Variants in CHRM5 observed in about 807,000 individuals in gnomAD.
The protein encoded by CHRM5 is muscarinic acetylcholine receptor M5.
In CHRM5, 18 loss-of-function variants were observed where a neutral mutation model predicts 39.0. The observed-to-expected ratio is 0.46, with a 90% confidence interval of 0.32 to 0.68. The LOEUF (loss-of-function observed/expected upper bound fraction) is 0.68, where lower values mean the gene tolerates loss of function less well. Among genes scored for constraint, CHRM5 ranks in the 30% least tolerant of loss-of-function variants. CHRM5 has a pLI of 0.04. For synonymous variants in CHRM5, 241 were observed against 246.3 expected, an observed-to-expected ratio of 0.98 and a Z score of 0.20; for missense variants, 515 against 651.1, an observed-to-expected ratio of 0.79 and a Z score of 2.28.
chr15:34,003,150 A>G (rs1218592962), intron 1 of CHRM5: 1 of 1,613,870 alleles, frequency 6.2e-7, no homozygotes, highest in East Asian at 2.2e-5. Context: ...TTCTTTTAGA[A>G]TAATTTCCCT....
rs568303665 is a variant in CHRM5, at chr15:34,058,935, C to T, written c.-75-3708C>T. On this transcript the variant is annotated intron_variant, in intron 2 of 2. Transcript: ENST00000383263. ...CTTTTGAAACAGAGTCTCACTCTGT[C>T]GCCCAGGCTGGAATGCAGTGGCAAG... Among the ~76,000 whole-genome samples the T allele has an allele frequency of 4.6e-5, 7 of 152,252 alleles. No homozygotes were observed. The South Asian group carries it at 1.0e-3, about 23-fold the overall frequency.
intron 1 of CHRM5, among the ~76,000 whole-genome samples, chr15:33,971,336 G>A (rs1895629912): frequency 6.6e-6 from 1 of 151,972 alleles, no homozygotes; most frequent in South Asian, 2.1e-4. Flanking sequence ...TGTATCATTA[G>A]TTCCTTTCAT....
At chr15:34,060,383 A>G (rs1355223257) in intron 2 of CHRM5, among the ~76,000 whole-genome samples, 1 of 152,156 alleles carries the variant, frequency 6.6e-6, no homozygotes, top group Non-Finnish European at 1.5e-5. Flanking sequence ...ACTCGATTCC[A>G]TATTGAATTT....
At chr15:34,013,211 G>A (rs546992047) in intron 1 of CHRM5, among the ~76,000 whole-genome samples, 55 of 152,084 alleles carry the variant, frequency 3.6e-4, no homozygotes, top group Non-Finnish European at 5.9e-4. Context: ...ACAGGCGCGC[G>A]CCACCACGCC....
intron 1 of CHRM5, among the ~76,000 whole-genome samples, chr15:34,045,647 T>G (rs1314221929): frequency 6.6e-6 from 1 of 152,092 alleles, no homozygotes; most frequent in African/African-American, 2.4e-5. Flanking sequence ...CCACTGTAGT[T>G]GCTATAGAAA....
intron 1 of CHRM5, among the ~76,000 whole-genome samples, chr15:34,041,826 G>T (rs1448143732): frequency 1.3e-5 from 2 of 152,140 alleles, no homozygotes; most frequent in Non-Finnish European, 2.9e-5. Flanking sequence ...ATTTGCTCAA[G>T]CTAGTAAGTA....
intron 1 of CHRM5, among the ~76,000 whole-genome samples, chr15:33,985,342 G>A (rs2140542725): frequency 1.2e-5 from 1 of 80,488 alleles, no homozygotes; most frequent in Admixed American, 1.2e-4. Flanking sequence ...CATGCTGTGG[G>A]CTTTATTACA....
chr15:34,010,657 G>A (rs1486641763), intron 1 of CHRM5, among the ~76,000 whole-genome samples: 8 of 152,108 alleles, frequency 5.3e-5, no homozygotes, highest in African/African-American at 1.7e-4. Flanking sequence ...AGGTAGAATA[G>A]AAAGAAATGA....
At chr15:34,051,084 G>A (rs1899911798) in intron 2 of CHRM5, among the ~76,000 whole-genome samples, 2 of 152,150 alleles carry the variant, frequency 1.3e-5, no homozygotes, top group East Asian at 3.9e-4. Context: ...CTCTAAAACT[G>A]ATTACATAAT....
intron 1 of CHRM5, among the ~76,000 whole-genome samples, chr15:34,043,159 A>G (rs903227628): frequency 6.6e-6 from 1 of 151,556 alleles, no homozygotes; most frequent in Non-Finnish European, 1.5e-5. Flanking sequence ...AGGCAGGAGA[A>G]TGGCGTGAAC....
At chr15:34,038,134 T>C (rs1440807229) in intron 1 of CHRM5, among the ~76,000 whole-genome samples, 1 of 152,074 alleles carries the variant, frequency 6.6e-6, no homozygotes, top group African/African-American at 2.4e-5. Flanking sequence ...AAATTGAAAA[T>C]TCAAAACGAC....
intron 1 of CHRM5, among the ~76,000 whole-genome samples, chr15:33,984,519 C>T (rs529647689): frequency 7.2e-5 from 11 of 152,132 alleles, no homozygotes; most frequent in African/African-American, 2.4e-4. Context: ...TCTCCTGCCT[C>T]AGCCTCCCGC....
At chr15:33,980,907 C>T (rs781202535) in intron 1 of CHRM5, among the ~76,000 whole-genome samples, 7 of 152,064 alleles carry the variant, frequency 4.6e-5, no homozygotes, top group East Asian at 3.9e-4. Flanking sequence ...CCCTAAAAAT[C>T]GTATCACTAG....
At chr15:33,978,727 A>T (rs1306007444) in intron 1 of CHRM5, among the ~76,000 whole-genome samples, 4 of 152,134 alleles carry the variant, frequency 2.6e-5, no homozygotes, top group Non-Finnish European at 5.9e-5. Flanking sequence ...ATTCGTCCCC[A>T]GGCATTTGAG....
chr15:34,008,952 G>GCACA lies in CHRM5; in HGVS notation c.-407-37587_-407-37586insACAC, dbSNP rs142138959. On this transcript the variant is annotated intron_variant, in intron 1 of 2. Coordinates refer to ENST00000383263, the MANE Select transcript of CHRM5 (RefSeq NM_012125.4). ...AAAACACACACTCACACGTGCGCGC[G>GCACA]CGCACACACACACACACACACACAG... Among the ~76,000 whole-genome samples, 412 of 95,572 alleles carry GCACA rather than the reference G, an allele frequency of 4.3e-3. 1 individual carries two copies. Among genetic ancestry groups the GCACA allele is most frequent in the East Asian group, 0.026 (98 of 3,806 alleles). 62.7% of individuals were successfully genotyped at this position (95,572 alleles called of 152,430 possible). A position where few individuals can be genotyped will look rare whatever the true frequency, so the allele number is the denominator to read the frequency against.
At chr15:34,045,634 T>G (rs561811638) in intron 1 of CHRM5, among the ~76,000 whole-genome samples, 1 of 152,238 alleles carries the variant, frequency 6.6e-6, no homozygotes, top group African/African-American at 2.4e-5. Flanking sequence ...CCATTAAAGT[T>G]TTCCACTGTA....
intron 1 of CHRM5, chr15:33,991,639 G>A (rs944652924): frequency 1.3e-5 from 2 of 152,214 alleles, no homozygotes; most frequent in East Asian, 1.9e-4. Context: ...AAATCATGGG[G>A]AAATAAAATG....
At chr15:34,020,810 A>G (rs1223122923) in intron 1 of CHRM5, among the ~76,000 whole-genome samples, 1 of 152,228 alleles carries the variant, frequency 6.6e-6, no homozygotes, top group East Asian at 1.9e-4. Flanking sequence ...ACTTGTTTTT[A>G]TAAGAAAAGG....
At chr15:34,017,724 C>A (rs908763901) in intron 1 of CHRM5, among the ~76,000 whole-genome samples, 7 of 152,240 alleles carry the variant, frequency 4.6e-5, no homozygotes, top group African/African-American at 1.7e-4. Flanking sequence ...AAGTGATCCA[C>A]CCACCTCAGC....
Sources: gnomAD v4.1 joint callset for allele counts (sites outside exome capture counted in the v4.1 genomes callset) on GRCh38, gnomAD v4.1.1 for gene constraint, MANE v1.5 for transcripts, NCBI Gene and HGNC (gene_info 2026-07-23, HGNC 2026-07-21) for gene names.